Variants in DNM3 observed in about 807,000 individuals in gnomAD.
DNM3 encodes the protein dynamin-3.
A neutral mutation model predicts 101.6 loss-of-function variants in DNM3; 47 were observed. The ratio of observed to expected loss-of-function variants is 0.46; its 90% CI spans 0.37 to 0.59. The LOEUF is 0.59. Among genes scored for constraint, DNM3 ranks in the 20% least tolerant of loss-of-function variants. The pLI, the probability that DNM3 is intolerant of heterozygous loss-of-function variation, is 0.00. For missense variants in DNM3, 849 were observed against 1,085.7 expected (o/e 0.78, Z 3.06); for synonymous variants, 385 against 387.9 (o/e 0.99, Z 0.09).
intron 4 of DNM3, among the ~76,000 whole-genome samples, chr1:171,995,787 C>T (rs1045414352): frequency 7.9e-5 from 12 of 152,200 alleles, no homozygotes; most frequent in African/African-American, 2.6e-4. Context: ...GCAGGATGAC[C>T]TATTTAGATA....
In DNM3 at chr1:172,196,134, C is replaced by T. The variant is rs922832273; in HGVS notation, c.1660-57439C>T. 2.6e-5 allele frequency among the ~76,000 whole-genome samples: 4 copies of T among 151,792 alleles called. No homozygotes were observed. The Admixed American group carries it at 2.6e-4, about 10-fold the overall frequency. ...CATAAATTATTATATTTAGCTCCCACCGATAAGTGAGAACATATGGTATTT... is the reference window on the plus strand; with the variant it reads ...CATAAATTATTATATTTAGCTCCCATCGATAAGTGAGAACATATGGTATTT... On this transcript the variant is annotated intron_variant, in intron 14 of 20. Transcript: ENST00000627582.
intron 12 of DNM3, among the ~76,000 whole-genome samples, chr1:172,086,953 G>C (rs1006727741): frequency 2.6e-5 from 4 of 152,140 alleles, no homozygotes; most frequent in African/African-American, 9.7e-5. Flanking sequence ...ACATCTCAAA[G>C]GGACTCTCCA....
chr1:171,965,928 A>G (rs1259102476), intron 2 of DNM3, among the ~76,000 whole-genome samples: 1 of 151,944 alleles, frequency 6.6e-6, no homozygotes, highest in Non-Finnish European at 1.5e-5. Context: ...CCATTAGCGT[A>G]AACTTAGGTA....
At chr1:172,134,073 A>T (rs1409951534) in intron 14 of DNM3, among the ~76,000 whole-genome samples, 1 of 152,194 alleles carries the variant, frequency 6.6e-6, no homozygotes, top group Non-Finnish European at 1.5e-5. Flanking sequence ...GGGGATGGCT[A>T]GCATGGAAGA....
chr1:172,297,036 G>C (rs191320970), intron 15 of DNM3, among the ~76,000 whole-genome samples: 4 of 151,950 alleles, frequency 2.6e-5, no homozygotes, highest in Admixed American at 2.0e-4. Flanking sequence ...ACAGCTACTT[G>C]GGAGGCTGAG....
intron 14 of DNM3, among the ~76,000 whole-genome samples, chr1:172,175,115 C>T (rs1369213544): frequency 6.6e-6 from 1 of 151,728 alleles, no homozygotes; most frequent in African/African-American, 2.4e-5. Context: ...CCTCTCCTGA[C>T]TTTAGCCAGG....
rs78235012 is a variant in DNM3 at position 172,214,968 on chromosome 1, A to T, written c.1660-38605A>T. ...TGATCCTTACCTAGTAAATATTCAC[A>T]TATGTTAACGTAAGTTAATACTGTT... On this transcript the variant is annotated intron_variant, in intron 14 of 20. Transcript: ENST00000627582. Among the ~76,000 whole-genome samples, 1,481 of 152,262 alleles carry T rather than the reference A, an allele frequency of 9.7e-3. 27 individuals are homozygous for T. The highest frequency in any genetic ancestry group is 0.034 in the African/African-American group (1,412 of 41,546).
intron 14 of DNM3, among the ~76,000 whole-genome samples, chr1:172,225,134 C>CTTTTTTTTTTTTT (rs1168334078): frequency 1.7e-4 from 11 of 65,528 alleles, no homozygotes; most frequent in African/African-American, 4.6e-4. Context: ...TCTTCTTCCT[C>CTTTTTTTTTTTTT]TTTTTTTTTT....
intron 4 of DNM3, among the ~76,000 whole-genome samples, chr1:171,990,240 A>G (rs922119844): frequency 6.6e-6 from 1 of 152,080 alleles, no homozygotes; most frequent in African/African-American, 2.4e-5. Flanking sequence ...CTTTGATGTT[A>G]GAGACCTTTT....
chr1:172,255,416 G>A (rs908754538), intron 15 of DNM3, among the ~76,000 whole-genome samples: 1 of 152,050 alleles, frequency 6.6e-6, no homozygotes, highest in African/African-American at 2.4e-5. Flanking sequence ...GAGTGGAACA[G>A]GTGACTGCCA....
intron 2 of DNM3, among the ~76,000 whole-genome samples, chr1:171,955,728 G>A (rs918631049): frequency 6.6e-6 from 1 of 152,080 alleles, no homozygotes; most frequent in African/African-American, 2.4e-5. Flanking sequence ...ATTAGTAGAA[G>A]CTAACTGGGC....
intron 9 of DNM3, among the ~76,000 whole-genome samples, chr1:172,046,292 A>G (rs2049792837): frequency 6.6e-6 from 1 of 152,162 alleles, no homozygotes; most frequent in South Asian, 2.1e-4. Context: ...ATTCTCAGTA[A>G]ACTATCTCAA....
intron 14 of DNM3, among the ~76,000 whole-genome samples, chr1:172,148,881 C>T (rs968423901): frequency 5.9e-5 from 9 of 152,072 alleles, no homozygotes; most frequent in African/African-American, 1.9e-4. Flanking sequence ...TTCCACTTTT[C>T]TTCCCTTTCC....
intron 2 of DNM3, among the ~76,000 whole-genome samples, chr1:171,983,259 A>C (rs2044954557): frequency 6.6e-6 from 1 of 151,932 alleles, no homozygotes; most frequent in Non-Finnish European, 1.5e-5. Context: ...GGTCGAGACC[A>C]GCCCAGGCAA....
intron 2 of DNM3, among the ~76,000 whole-genome samples, chr1:171,971,105 A>G (rs541572451): frequency 2.6e-4 from 40 of 152,154 alleles, no homozygotes; most frequent in African/African-American, 9.1e-4. Flanking sequence ...TTCTTCATAA[A>G]TGCTTTATGC....
chr1:171,927,400 C>T (rs1171708960), intron 2 of DNM3, among the ~76,000 whole-genome samples: 2 of 152,196 alleles, frequency 1.3e-5, no homozygotes, highest in African/African-American at 4.8e-5. Flanking sequence ...CCTCTTCCCA[C>T]TCTCCACCCT....
At chr1:172,393,199 C>G (rs565071594) in intron 20 of DNM3, 14 of 152,306 alleles carry the variant, frequency 9.2e-5, no homozygotes, top group Admixed American at 6.5e-4. Context: ...CTTTTCTTTA[C>G]AAAGACAAAA....
At chr1:171,881,327 G>T (rs989806620) in intron 1 of DNM3, among the ~76,000 whole-genome samples, 2 of 152,094 alleles carry the variant, frequency 1.3e-5, no homozygotes, top group African/African-American at 4.8e-5. Flanking sequence ...TATACATTAA[G>T]TATAATGTAG....
chr1:172,121,381 G>A (rs2056309052), intron 13 of DNM3, among the ~76,000 whole-genome samples: 1 of 152,154 alleles, frequency 6.6e-6, no homozygotes, highest in Admixed American at 6.5e-5. Context: ...GCAAATTCTG[G>A]GAAGCAATAA....
Sources: gnomAD v4.1 joint callset for allele counts (sites outside exome capture counted in the v4.1 genomes callset) on GRCh38, gnomAD v4.1.1 for gene constraint, MANE v1.5 for transcripts, NCBI Gene and HGNC (gene_info 2026-07-23, HGNC 2026-07-21) for gene names.